Variants in CLDN14 observed in about 807,000 individuals in gnomAD.
The protein encoded by CLDN14 is claudin-14.
CLDN14 carries 2 observed loss-of-function variants against 2.1 expected under a neutral mutation model. The observed-to-expected ratio is 0.96, with a 90% CI of 0.39 to 3.01. The LOEUF (loss-of-function observed/expected upper bound fraction) is 3.01. Among genes scored for constraint, CLDN14 ranks in the 30% most tolerant of loss-of-function variants. CLDN14 has a pLI of 0.09. For synonymous variants in CLDN14, 136 were observed against 154.4 expected (o/e 0.88, Z 0.88); for missense variants, 298 against 328.0 (o/e 0.91, Z 0.71).
At chr21:36,567,091 G>A (rs749856138) in intron 1 of CLDN14, among the ~76,000 whole-genome samples, 2 of 152,206 alleles carry the variant, frequency 1.3e-5, no homozygotes, top group South Asian at 2.1e-4. Context: ...CATCAAGTAC[G>A]TAATACCTCA....
chr21:36,512,631 A>ACAC (rs2146485850), intron 1 of CLDN14, among the ~76,000 whole-genome samples: 1 of 152,346 alleles, frequency 6.6e-6, no homozygotes, highest in East Asian at 1.9e-4. Flanking sequence ...GCAGAACAAG[A>ACAC]CACCATCTAT....
At chr21:36,529,446 G>A (rs1039423764) in intron 1 of CLDN14, among the ~76,000 whole-genome samples, 1 of 151,954 alleles carries the variant, frequency 6.6e-6, no homozygotes, top group African/African-American at 2.4e-5. Context: ...CCACCACTAC[G>A]CACAGCTAAT....
rs752992781 is a variant in CLDN14, at chr21:36,461,488, G to C, written c.208C>G (p.Leu70Val). The change falls in exon 2 of 2, where the codon CTG (leucine) becomes GTG (valine). Residue 70 changes from leucine to valine, a missense_variant. By Grantham distance (32) the Leu-to-Val change is conservative. Transcript: ENST00000399135. ...GIYQCQIYRS[L>V]LALPQDLQAA... ...TGGAGGTCTTGGGGCAGCGCCAGCA[G>C]GGATCGGTAGATCTGGCACTGGTAG... 12 of 1,613,328 alleles carry C rather than the reference G, an allele frequency of 7.4e-6. No individual in the cohort carries two copies. In the South Asian group the frequency reaches 1.3e-4, roughly 18 times the overall value.
At chr21:36,462,988 A>C (rs1381819172) in intron 1 of CLDN14, among the ~76,000 whole-genome samples, 3 of 151,300 alleles carry the variant, frequency 2.0e-5, no homozygotes, top group Non-Finnish European at 4.4e-5. Flanking sequence ...GAGAGAGGGA[A>C]GAAGAGGAGG....
chr21:36,557,910 C>T (rs543284765), intron 1 of CLDN14, among the ~76,000 whole-genome samples: 1 of 152,230 alleles, frequency 6.6e-6, no homozygotes, highest in East Asian at 1.9e-4. Context: ...CTAGAGGTTT[C>T]AGGTCTTAGG....
chr21:36,562,163 T>C (rs918292492), intron 1 of CLDN14, among the ~76,000 whole-genome samples: 5 of 152,172 alleles, frequency 3.3e-5, no homozygotes, highest in Non-Finnish European at 5.9e-5. Flanking sequence ...CTCTGATTAA[T>C]CCATCAGCAC....
intron 1 of CLDN14, among the ~76,000 whole-genome samples, chr21:36,534,855 A>T (rs2087411786): frequency 6.6e-6 from 1 of 152,146 alleles, no homozygotes. Context: ...AGTGGGTTGC[A>T]TCTTTCCCAG....
chr21:36,535,980 T>C (rs1287153705), intron 1 of CLDN14, among the ~76,000 whole-genome samples: 2 of 152,150 alleles, frequency 1.3e-5, no homozygotes, highest in African/African-American at 2.4e-5. Context: ...CAGGAATCCA[T>C]CCTCACTGCA....
chr21:36,461,178 AG>A lies in CLDN14; in HGVS notation c.517del (p.Leu173SerfsTer53). On this transcript the variant is annotated frameshift_variant, in exon 2 of 2. Transcript: ENST00000399135. LOFTEE classifies it low-confidence loss of function (END_TRUNC). ...AAGCAGGGTGCCACCAATGAGCGAG[AG>A]GGACGAGGAGATGAAGCCCAGGTAC... ...ALYLGFISSSLSLIGGTLLCL... is the reference protein window; with the variant it reads ...ALYLGFISSSXSLIGGTLLCL... 6.2e-7 allele frequency: 1 copy of A among 1,613,870 alleles called. No individual in the cohort carries two copies. The highest frequency in any genetic ancestry group is 8.5e-7 in the Non-Finnish European group (1 of 1,179,768).
intron 1 of CLDN14, among the ~76,000 whole-genome samples, chr21:36,562,716 A>C (rs1438727743): frequency 2.0e-5 from 3 of 149,104 alleles, no homozygotes; most frequent in African/African-American, 7.4e-5. Flanking sequence ...TTTTTTCATG[A>C]GCAAATTACA....
chr21:36,533,145 A>G (rs1287766605), intron 1 of CLDN14, among the ~76,000 whole-genome samples: 1 of 152,102 alleles, frequency 6.6e-6, no homozygotes, highest in Non-Finnish European at 1.5e-5. Context: ...CCGGTCGGTA[A>G]TGGAGCAGGG....
chr21:36,574,356 A>G (rs2087727792), intron 1 of CLDN14, among the ~76,000 whole-genome samples: 1 of 152,226 alleles, frequency 6.6e-6, no homozygotes, highest in Non-Finnish European at 1.5e-5. Flanking sequence ...TATTCATACA[A>G]TGGAATACTA....
chr21:36,477,811 A>G (rs2146444350), intron 1 of CLDN14, among the ~76,000 whole-genome samples: 1 of 152,196 alleles, frequency 6.6e-6, no homozygotes, highest in Non-Finnish European at 1.5e-5. Flanking sequence ...AATTCCCCAC[A>G]CTATGTTGCT....
At chr21:36,486,649 TTC>T in intron 2 of CLDN14, 1 of 1,502,456 alleles carries the variant, frequency 6.7e-7, no homozygotes, top group Admixed American at 1.7e-5. Context: ...CTGTCAGCTT[TTC>T]TCTGTTCACC....
chr21:36,573,388 G>T (rs2087722616), intron 1 of CLDN14, among the ~76,000 whole-genome samples: 1 of 151,850 alleles, frequency 6.6e-6, no homozygotes, highest in Admixed American at 6.6e-5. Context: ...ATATAGAAAA[G>T]GGTGTGAATT....
At chr21:36,554,467 C>T (rs575523766) in intron 1 of CLDN14, among the ~76,000 whole-genome samples, 4 of 152,340 alleles carry the variant, frequency 2.6e-5, no homozygotes, top group East Asian at 3.9e-4. Flanking sequence ...AGGAGATAAA[C>T]GGCCACACAA....
At chr21:36,523,098 C>A (rs2146494451) in intron 1 of CLDN14, among the ~76,000 whole-genome samples, 2 of 152,274 alleles carry the variant, frequency 1.3e-5, no homozygotes, top group Non-Finnish European at 2.9e-5. Context: ...CCTTCCTGAT[C>A]CCCCCAGTGT....
chr21:36,512,793 C>T (rs950580540), intron 1 of CLDN14, among the ~76,000 whole-genome samples: 1 of 152,062 alleles, frequency 6.6e-6, no homozygotes, highest in African/African-American at 2.4e-5. Flanking sequence ...GAGGTTCCTC[C>T]TGGGGAGGGA....
At chr21:36,482,339 T>C (rs1275575859), upstream of CLDN14, among the ~76,000 whole-genome samples, 1 of 54,950 alleles carries the variant, frequency 1.8e-5, no homozygotes, top group Non-Finnish European at 3.1e-5. Flanking sequence ...GATGGATGGA[T>C]GGATGGATGG....
Sources: allele counts gnomAD v4.1 joint callset (sites outside exome capture counted in the v4.1 genomes callset), GRCh38; gene constraint gnomAD v4.1.1; transcripts MANE v1.5; gene names NCBI Gene and HGNC (gene_info 2026-07-23, HGNC 2026-07-21).